The following NBPF11 variants were observed in gnomAD, a reference collection of about 807,000 sequenced individuals.
NBPF11 encodes the protein NBPF family member NBPF11.
Under a neutral mutation model 93.9 loss-of-function variants are expected in NBPF11, and 72 were observed. That is an observed-to-expected ratio of 0.77 (90% CI 0.63 to 0.93). NBPF11 has a LOEUF of 0.93. NBPF11 is among the 40% of genes least tolerant of loss of function. The probability of loss-of-function intolerance (pLI) is 0.00; values close to 1 mark genes in which losing one functional copy is unlikely to be tolerated. For missense variants in NBPF11, 705 were observed against 802.2 expected (o/e 0.88, Z 1.46); for synonymous variants, 224 against 304.9 (o/e 0.73, Z 2.76).
chr1:148,132,555 G>A (rs2149268660), intron 4 of NBPF11, among the ~76,000 whole-genome samples: 1 of 149,304 alleles, frequency 6.7e-6, no homozygotes, highest in Non-Finnish European at 1.5e-5. Flanking sequence ...TATTAGAATT[G>A]CATTGGATCT....
At position 148,146,680 on chromosome 1, in the gene NBPF11, G is replaced by A. The variant is rs1396114338; in HGVS notation, c.-548-2994C>T. Reference sequence around the variant, plus strand: ...GGTCTTCCCCACCAAGAGCGCCCGCGGCAACCGTGTCTCCTGCATGTATGT... The same window carrying A: ...GGTCTTCCCCACCAAGAGCGCCCGCAGCAACCGTGTCTCCTGCATGTATGT... On this transcript the variant is annotated intron_variant, in intron 1 of 23. Transcript: ENST00000682118. 39 of 1,611,708 alleles carry A rather than the reference G, an allele frequency of 2.4e-5. No individual in the cohort carries two copies. The Admixed American group carries it at 3.7e-4, about 15-fold the overall frequency.
intron 1 of NBPF11, among the ~76,000 whole-genome samples, chr1:148,146,069 CA>C (rs1672955707): frequency 2.0e-5 from 3 of 151,954 alleles, no homozygotes; most frequent in Non-Finnish European, 4.4e-5. Flanking sequence ...GATTTAGGGG[CA>C]GGGGTGCGGA....
chr1:148,120,567 T>A lies in NBPF11; in HGVS notation c.922A>T (p.Ser308Cys). Reference protein sequence around the residue: ...QLAEKKQQFRSLKEKCFVTQV... With the variant: ...QLAEKKQQFRCLKEKCFVTQV... ...GTTACAAAACATTTCTCTTTGAGGC[T>A]TCTGAACTGCTGTTTCTTCTCTGCC... The change falls in exon 10 of 24, where the codon AGC becomes TGC. Residue 308 changes from serine (S) to cysteine (C), a missense_variant. Transcript: ENST00000682118. 1 of 1,279,180 alleles carries A rather than the reference T, an allele frequency of 7.8e-7. No individual in the cohort carries two copies. Among genetic ancestry groups the A allele is most frequent in the Non-Finnish European group, 1.1e-6 (1 of 875,182 alleles). 79.2% of individuals were successfully genotyped at this position (1,279,180 alleles called of 1,614,324 possible). A position where few individuals can be genotyped will look rare whatever the true frequency, so the allele number is the denominator to read the frequency against.
chr1:148,121,602 G>A (rs1667877668), intron 9 of NBPF11, among the ~76,000 whole-genome samples: 1 of 151,388 alleles, frequency 6.6e-6, no homozygotes, highest in Non-Finnish European at 1.5e-5. Flanking sequence ...TGATCCACCC[G>A]CCTCGGCCTC....
At chr1:148,129,234 CGT>C (rs1306573451) in intron 4 of NBPF11, among the ~76,000 whole-genome samples, 8 of 143,044 alleles carry the variant, frequency 5.6e-5, no homozygotes, top group Non-Finnish European at 9.0e-5. Flanking sequence ...ATTATATATA[CGT>C]GTATATACAT....
intron 1 of NBPF11, chr1:148,149,656 C>A (rs1647781003): frequency 8.1e-7 from 1 of 1,236,868 alleles, no homozygotes; most frequent in Admixed American, 2.4e-5. Context: ...CATGTGGACC[C>A]CCCCGGGCGG....
intron 1 of NBPF11, among the ~76,000 whole-genome samples, chr1:148,146,221 G>A (rs1350244626): frequency 2.6e-5 from 4 of 151,720 alleles, no homozygotes; most frequent in Admixed American, 1.3e-4. Context: ...GGCTTGGACC[G>A]CGATGGGGCT....
intron 1 of NBPF11, chr1:148,147,071 C>A (rs1223376342): frequency 9.4e-6 from 8 of 850,138 alleles, no homozygotes; most frequent in Non-Finnish European, 1.2e-5. Context: ...GCCGGACAGG[C>A]GAGCTTGGGT....
intron 1 of NBPF11, among the ~76,000 whole-genome samples, chr1:148,146,232 G>A (rs1218923759): frequency 1.3e-5 from 2 of 151,622 alleles, no homozygotes; most frequent in Non-Finnish European, 2.9e-5. Flanking sequence ...CGATGGGGCT[G>A]GGCCCTGGCC....
rs1236062438 is a variant in NBPF11, at chr1:148,112,984, A to T, written c.1637+1453T>A. On this transcript the variant is annotated intron_variant, in intron 15 of 23. Transcript: ENST00000682118. Reference sequence around the variant, plus strand: ...CCTAAAGGAAGCACTAAACATGGAAAGGAACAACCGGTACCAGCCACTGCA... The same window carrying T: ...CCTAAAGGAAGCACTAAACATGGAATGGAACAACCGGTACCAGCCACTGCA... 1.0e-3 allele frequency among the ~76,000 whole-genome samples: 152 copies of T among 152,008 alleles called. 2 individuals carry two copies. The highest frequency in any genetic ancestry group is 3.5e-3 in the African/African-American group (145 of 41,258).
intron 5 of NBPF11, among the ~76,000 whole-genome samples, chr1:148,125,665 G>T (rs1668943976): frequency 6.6e-6 from 1 of 152,018 alleles, no homozygotes; most frequent in Admixed American, 6.6e-5. Flanking sequence ...TCAGAATGAA[G>T]AACTAATAGA....
At chr1:148,111,812 A>T (rs1335631537) in intron 15 of NBPF11, among the ~76,000 whole-genome samples, 4 of 151,528 alleles carry the variant, frequency 2.6e-5, no homozygotes, top group African/African-American at 9.8e-5. Context: ...AATGGAACCA[A>T]GCTGGGAAAC....
intron 3 of NBPF11, among the ~76,000 whole-genome samples, chr1:148,136,768 G>A (rs1443583548): frequency 2.0e-5 from 3 of 151,928 alleles, no homozygotes; most frequent in Non-Finnish European, 2.9e-5. Flanking sequence ...ATTAGGGACA[G>A]ATAAGCTGTT....
At position 148,103,663 on chromosome 1, in the gene NBPF11, G is replaced by T; in HGVS notation, c.*233C>A. On this transcript the variant is annotated 3_prime_UTR_variant, in exon 24 of 24. Transcript: ENST00000682118. ...GAATGACACCTCTCGGCTTAGTAAGGGCTGCTTATTGTGGGAATATGACTC... is the reference window on the plus strand; with the variant it reads ...GAATGACACCTCTCGGCTTAGTAAGTGCTGCTTATTGTGGGAATATGACTC... 6.2e-7 allele frequency: 1 copy of T among 1,611,162 alleles called. No individual in the cohort carries two copies. The highest frequency in any genetic ancestry group is 8.5e-7 in the Non-Finnish European group (1 of 1,179,250).
At chr1:148,149,326 C>T (rs1459925854) in intron 1 of NBPF11, 31 of 1,596,990 alleles carry the variant, frequency 1.9e-5, no homozygotes, top group Admixed American at 6.7e-5. Context: ...CCTACTGCTT[C>T]GACGCCTTCC....
intron 10 of NBPF11, among the ~76,000 whole-genome samples, chr1:148,120,207 T>C (rs1199211937): frequency 2.6e-5 from 4 of 152,058 alleles, no homozygotes; most frequent in Non-Finnish European, 5.9e-5. Flanking sequence ...AGAGGATTCT[T>C]GAAAACACGA....
chr1:148,135,773 G>A lies in NBPF11; in HGVS notation c.-137C>T, dbSNP rs1185620981. On this transcript the variant is annotated 5_prime_UTR_variant, in exon 4 of 24. Coordinates refer to ENST00000682118, the MANE Select transcript of NBPF11 (RefSeq NM_001385469.3). ...TCTTAGCAAGATCTGAGTTTCTCCA[G>A]GTATGATATTATTTTGTTTGACCAT... is the stretch of plus-strand genomic sequence containing the variant. The A allele has an allele frequency of 1.0e-4, 75 of 716,404 alleles. 3 individuals carry two copies. The African/African-American group carries it at 1.1e-3, about 11-fold the overall frequency. 44.4% of individuals were successfully genotyped at this position (716,404 alleles called of 1,614,324 possible).
intron 10 of NBPF11, among the ~76,000 whole-genome samples, chr1:148,119,851 T>C (rs2149225795): frequency 6.6e-6 from 1 of 152,120 alleles, no homozygotes; most frequent in East Asian, 1.9e-4. Context: ...AGATGGGGTT[T>C]CTCCATGTTG....
At chr1:148,120,855 C>G in intron 9 of NBPF11, 145 bp from the exon 10 acceptor site, 1 of 713,242 alleles carries the variant, frequency 1.4e-6, no homozygotes, top group Non-Finnish European at 2.5e-6. Flanking sequence ...CATCTCCAGT[C>G]TTGATCTCCT....
Sources: allele counts gnomAD v4.1 joint callset (sites outside exome capture counted in the v4.1 genomes callset), GRCh38; gene constraint gnomAD v4.1.1; transcripts MANE v1.5; gene names NCBI Gene and HGNC (gene_info 2026-07-23, HGNC 2026-07-21).